The following MTUS2 variants were observed in gnomAD, a reference collection of about 807,000 sequenced individuals.
MTUS2 encodes the protein microtubule associated scaffold protein 2, also known as microtubule-associated tumor suppressor candidate 2.
In MTUS2, 40 loss-of-function variants were observed where a neutral mutation model predicts 114.1. The observed-to-expected ratio is 0.35, with a 90% CI of 0.27 to 0.46. The LOEUF (loss-of-function observed/expected upper bound fraction) is 0.46. Among genes scored for constraint, MTUS2 ranks in the 20% least tolerant of loss-of-function variants. MTUS2 has a pLI of 1.00. For synonymous variants in MTUS2, 688 were observed against 672.0 expected (o/e 1.02, Z -0.37); for missense variants, 1,679 against 1,705.4 (o/e 0.98, Z 0.27).
chr13:29,429,367 T>C (rs1300476107), intron 8 of MTUS2, among the ~76,000 whole-genome samples: 3 of 152,232 alleles, frequency 2.0e-5, no homozygotes, highest in South Asian at 2.1e-4. Flanking sequence ...ATTCTTCACA[T>C]CAGAGAAGAA....
chr13:29,428,345 A>AGGGCAG (rs1342040181), intron 8 of MTUS2, among the ~76,000 whole-genome samples: 1 of 152,274 alleles, frequency 6.6e-6, no homozygotes, highest in Non-Finnish European at 1.5e-5. Context: ...GGGCGTCCCC[A>AGGGCAG]GGCAGTGCCC....
chr13:29,415,214 GATAAATGGTTTCAAGGCATTTGAA>G (rs1875578316), intron 8 of MTUS2, among the ~76,000 whole-genome samples: 1 of 151,794 alleles, frequency 6.6e-6, no homozygotes, highest in African/African-American at 2.4e-5. Context: ...GATCAATTTT[GATAAATGGTTTCAAGGCATTTGAA>G]AAACAGGTAT....
chr13:28,999,150 G>T (rs1366372218), intron 2 of MTUS2, among the ~76,000 whole-genome samples: 3 of 152,170 alleles, frequency 2.0e-5, no homozygotes, highest in Admixed American at 6.5e-5. Flanking sequence ...TTTGCTGGAG[G>T]TCCACTCCAG....
intron 2 of MTUS2, among the ~76,000 whole-genome samples, chr13:28,954,517 T>A (rs1882967217): frequency 6.6e-6 from 1 of 152,172 alleles, no homozygotes; most frequent in African/African-American, 2.4e-5. Flanking sequence ...AGGGAGGGTG[T>A]GTTCCTTTAT....
intron 6 of MTUS2, among the ~76,000 whole-genome samples, chr13:29,285,158 T>C (rs999063659): frequency 2.1e-5 from 3 of 143,944 alleles, no homozygotes; most frequent in Non-Finnish European, 4.5e-5. Context: ...AATGGATGAA[T>C]ACCCATCAAT....
chr13:28,851,335 T>C (rs1876252501), intron 2 of MTUS2, among the ~76,000 whole-genome samples: 1 of 152,258 alleles, frequency 6.6e-6, no homozygotes, highest in Admixed American at 6.5e-5. Flanking sequence ...ATTTGTCCAT[T>C]GACCGTGATG....
chr13:29,262,257 A>G (rs1223837766), intron 5 of MTUS2, among the ~76,000 whole-genome samples: 10 of 152,234 alleles, frequency 6.6e-5, no homozygotes, highest in Non-Finnish European at 1.5e-4. Flanking sequence ...AGAAGGTGGC[A>G]TTTAATTGGG....
chr13:29,240,937 A>G (rs1206297300), intron 5 of MTUS2, among the ~76,000 whole-genome samples: 1 of 152,078 alleles, frequency 6.6e-6, no homozygotes, highest in African/African-American at 2.4e-5. Context: ...GAAAAATTAT[A>G]TTTCTTTTAA....
chr13:29,085,255 C>A (rs146301872), intron 4 of MTUS2, among the ~76,000 whole-genome samples: 1 of 152,182 alleles, frequency 6.6e-6, no homozygotes, highest in Non-Finnish European at 1.5e-5. Context: ...TTTTCTTTTT[C>A]TTTTATTTAG....
chr13:29,335,411 T>C (rs1293164750), intron 7 of MTUS2, among the ~76,000 whole-genome samples: 2 of 152,170 alleles, frequency 1.3e-5, no homozygotes, highest in African/African-American at 4.8e-5. Flanking sequence ...CATTAGCAAT[T>C]TTAATTTTAC....
At chr13:29,360,772 A>C (rs1870175051) in intron 8 of MTUS2, among the ~76,000 whole-genome samples, 1 of 141,410 alleles carries the variant, frequency 7.1e-6, no homozygotes, top group Admixed American at 7.7e-5. Flanking sequence ...CAAGATGAGC[A>C]TTTTTGTAAT....
chr13:28,955,174 C>T (rs1882999949), intron 2 of MTUS2, among the ~76,000 whole-genome samples: 1 of 152,204 alleles, frequency 6.6e-6, no homozygotes, highest in African/African-American at 2.4e-5. Flanking sequence ...CCACATGTTA[C>T]ATCTGCGCCC....
At chr13:28,965,495 A>G (rs1317011713) in intron 2 of MTUS2, among the ~76,000 whole-genome samples, 1 of 152,236 alleles carries the variant, frequency 6.6e-6, no homozygotes, top group East Asian at 1.9e-4. Flanking sequence ...TTAAGAATTC[A>G]GAAATGTGTG....
chr13:29,420,487 A>G (rs1383558762), intron 8 of MTUS2, among the ~76,000 whole-genome samples: 1 of 152,148 alleles, frequency 6.6e-6, no homozygotes, highest in East Asian at 1.9e-4. Flanking sequence ...CATGTTGGCC[A>G]GGCTGGTTTC....
At chr13:29,309,066 C>A (rs1364324548) in intron 6 of MTUS2, among the ~76,000 whole-genome samples, 1 of 152,116 alleles carries the variant, frequency 6.6e-6, no homozygotes, top group African/African-American at 2.4e-5. Context: ...CCCGGCAATC[C>A]CATTACTATA....
chr13:29,128,970 A>G (rs1017661610), intron 5 of MTUS2, among the ~76,000 whole-genome samples: 5 of 152,210 alleles, frequency 3.3e-5, no homozygotes, highest in African/African-American at 1.2e-4. Context: ...ACCCTAGTTT[A>G]AAAGGAAATT....
intron 2 of MTUS2, among the ~76,000 whole-genome samples, chr13:29,004,026 A>C (rs1015894635): frequency 2.6e-5 from 4 of 152,100 alleles, no homozygotes; most frequent in African/African-American, 9.7e-5. Context: ...TCATTTTGCT[A>C]CTTTTATGGA....
At chr13:29,383,317 A>G (rs1872382431) in intron 8 of MTUS2, among the ~76,000 whole-genome samples, 1 of 151,066 alleles carries the variant, frequency 6.6e-6, no homozygotes, top group Non-Finnish European at 1.5e-5. Context: ...AGTAAAAATC[A>G]TATTTTAAAA....
rs1432556811 is a variant in MTUS2, at chr13:29,503,560, G to A, written c.*354G>A. On this transcript the variant is annotated 3_prime_UTR_variant, in exon 16 of 16. Transcript: ENST00000612955. The stretch of plus-strand genomic sequence containing the variant: ...CATTGTGTACTGCACCGATATGTGT[G>A]TATATTTAGATATACGTATATACAC... 1.2e-5 allele frequency: 5 copies of A among 408,268 alleles called. No individual in the cohort carries two copies. Among genetic ancestry groups the A allele is most frequent in the African/African-American group, 5.8e-5 (3 of 51,304 alleles). The allele number at this position is 408,268 out of a possible 1,614,324, so 25.3% of individuals were successfully genotyped here.
Sources: allele counts gnomAD v4.1 joint callset (sites outside exome capture counted in the v4.1 genomes callset), GRCh38; gene constraint gnomAD v4.1.1; transcripts MANE v1.5; gene names NCBI Gene and HGNC (gene_info 2026-07-23, HGNC 2026-07-21).